Variants in RUNX1 observed in about 807,000 individuals in gnomAD.
RUNX1 encodes RUNX family transcription factor 1, also known as runt-related transcription factor 1.
A neutral mutation model predicts 42.8 loss-of-function variants in RUNX1; 19 were observed. That is an observed-to-expected ratio of 0.44 (90% CI 0.31 to 0.65). The LOEUF (loss-of-function observed/expected upper bound fraction) is 0.65, where lower values mean the gene tolerates loss of function less well. RUNX1 is among the 30% of genes least tolerant of loss of function. The pLI, the probability that RUNX1 is intolerant of heterozygous loss-of-function variation, is 0.07. For synonymous variants in RUNX1, 271 were observed against 289.4 expected, an observed-to-expected ratio of 0.94 and a Z score of 0.64; for missense variants, 528 against 672.0, an observed-to-expected ratio of 0.79 and a Z score of 2.37.
At chr21:34,834,219 G>T (rs1415641172) in intron 7 of RUNX1, 191 bp downstream of exon 7, 1 of 707,748 alleles carries the variant, frequency 1.4e-6, no homozygotes, top group South Asian at 1.5e-5. Flanking sequence ...GACTCGGTGG[G>T]TCTGGGGTGG....
intron 2 of RUNX1, among the ~76,000 whole-genome samples, chr21:34,943,417 A>G (rs2058542459): frequency 6.6e-6 from 1 of 152,200 alleles, no homozygotes; most frequent in African/African-American, 2.4e-5. Flanking sequence ...GATGCTTAAA[A>G]CATTAAAAGG....
At chr21:34,900,468 T>C (rs988997941) in intron 2 of RUNX1, among the ~76,000 whole-genome samples, 1 of 152,218 alleles carries the variant, frequency 6.6e-6, no homozygotes, top group African/African-American at 2.4e-5. Context: ...GCATCTTACT[T>C]GACTCGTGTT....
intron 2 of RUNX1, among the ~76,000 whole-genome samples, chr21:35,006,618 A>G (rs2059086931): frequency 6.6e-6 from 1 of 152,174 alleles, no homozygotes; most frequent in Non-Finnish European, 1.5e-5. Flanking sequence ...GTTGTTACAT[A>G]GGAAGTGCTG....
chr21:34,822,225 G>A (rs546847029), intron 7 of RUNX1, among the ~76,000 whole-genome samples: 16 of 152,284 alleles, frequency 1.1e-4, no homozygotes, highest in African/African-American at 3.9e-4. Context: ...ACAGTGCTGG[G>A]TCACGTGAAA....
At position 35,048,951 on chromosome 21, in the gene RUNX1, T is replaced by G; in HGVS notation, c.-52A>C. 6.5e-7 allele frequency: 1 copy of G among 1,550,146 alleles called. No individual in the cohort carries two copies. The highest frequency in any genetic ancestry group is 8.9e-7 in the Non-Finnish European group (1 of 1,122,738). ...TCTGAAGGCGGGGGACTCAATGATT[T>G]CTTTTACCTTCGGAGCGAAAACCAA... On this transcript the variant is annotated 5_prime_UTR_variant, in exon 2 of 9. Coordinates refer to ENST00000675419, the MANE Select transcript of RUNX1 (RefSeq NM_001754.5).
chr21:34,906,139 AAGTG>A, intron 2 of RUNX1, among the ~76,000 whole-genome samples: 1 of 152,230 alleles, frequency 6.6e-6, no homozygotes, highest in Admixed American at 6.5e-5. Flanking sequence ...ACTAATATAT[AAGTG>A]TACATACTAT....
At chr21:35,043,031 A>G (rs1307398650) in intron 2 of RUNX1, among the ~76,000 whole-genome samples, 1 of 152,166 alleles carries the variant, frequency 6.6e-6, no homozygotes, top group Non-Finnish European at 1.5e-5. Flanking sequence ...TCTCCCCAAC[A>G]AAGAGTGAAG....
intron 2 of RUNX1, among the ~76,000 whole-genome samples, chr21:35,024,452 A>G (rs2059221546): frequency 6.6e-6 from 1 of 152,184 alleles, no homozygotes; most frequent in Non-Finnish European, 1.5e-5. Context: ...CCTAACCAAT[A>G]CCCTAATACA....
At position 34,792,382 on chromosome 21, in the gene RUNX1, C is replaced by G. The variant is rs946348885; in HGVS notation, c.1196G>C (p.Ser399Thr). The change falls in exon 9 of 9, where the codon AGC (serine) becomes ACC (threonine). Residue 399 changes from serine (S) to threonine (T), a missense_variant. Ser to Thr is a moderately conservative substitution (Grantham distance 58). Around this residue, in one of 3 missense-constraint regions of RUNX1, gnomAD observed 331 missense variants for 382.5 expected, o/e 0.87. Coordinates refer to ENST00000675419, the MANE Select transcript of RUNX1 (RefSeq NM_001754.5). The surrounding 1 kb of genome is among the most constrained non-coding windows in gnomAD (Gnocchi z 6.9). ...GTAGTACAGGTGGTAGGAGGGCGAG[C>G]TGGCTTGGAACGGGCCTCCCTGCGC... ...SQAQGGPFQA[S>T]SPSYHLYYGA... 8.3e-6 allele frequency: 13 copies of G among 1,566,378 alleles called. No individual in the cohort carries two copies. Among genetic ancestry groups the G allele is most frequent in the Non-Finnish European group, 1.1e-5 (13 of 1,155,502 alleles).
intron 2 of RUNX1, among the ~76,000 whole-genome samples, chr21:34,959,450 G>C (rs1299560558): frequency 6.6e-6 from 1 of 152,202 alleles, no homozygotes; most frequent in Non-Finnish European, 1.5e-5. Flanking sequence ...ATGGAGAACA[G>C]TGCCTAGCAC....
chr21:34,792,691 T>C lies in RUNX1; in HGVS notation c.968-81A>G. On this transcript the variant is annotated intron_variant, in intron 8 of 8. Coordinates refer to ENST00000675419, the MANE Select transcript of RUNX1 (RefSeq NM_001754.5). The surrounding 1 kb of genome is among the most constrained non-coding windows in gnomAD (Gnocchi z 6.9). ...AGCTCTTCCCTCTGCCCCAGGGGGC[T>C]ACCCAGGATGATACCGCCTAGGAGG... is the stretch of plus-strand genomic sequence containing the variant. 2 of 1,338,560 alleles carry C rather than the reference T, an allele frequency of 1.5e-6. No homozygotes were observed. The highest frequency in any genetic ancestry group is 2.0e-6 in the Non-Finnish European group (2 of 984,440). The allele number at this position is 1,338,560 out of a possible 1,614,324, so 82.9% of individuals were successfully genotyped here.
At chr21:34,995,661 G>A (rs60857456) in intron 2 of RUNX1, among the ~76,000 whole-genome samples, 4,426 of 152,034 alleles carry the variant, frequency 0.029, 224 homozygotes, top group African/African-American at 0.1. Context: ...AGCTGTTCTC[G>A]AACTCCTGAA....
intron 2 of RUNX1, among the ~76,000 whole-genome samples, chr21:34,967,480 G>A (rs56777959): frequency 8.7e-4 from 132 of 151,638 alleles, no homozygotes; most frequent in African/African-American, 3.1e-3. Context: ...TCGCCATCCA[G>A]CCCTGAACAC....
At position 34,880,548 on chromosome 21, in the gene RUNX1, A is replaced by T; in HGVS notation, c.508+9T>A. On this transcript the variant is annotated intron_variant, in intron 5 of 8. Coordinates refer to ENST00000675419, the MANE Select transcript of RUNX1 (RefSeq NM_001754.5). ...CGTGTTTCAAGCATAGTTTTGACAG[A>T]TAACGTACCTCTTCCACTTCGACCG... 6.2e-7 allele frequency: 1 copy of T among 1,614,016 alleles called. No homozygotes were observed.
intron 7 of RUNX1, among the ~76,000 whole-genome samples, chr21:34,806,300 A>G (rs1456219687): frequency 6.6e-6 from 1 of 152,234 alleles, no homozygotes; most frequent in African/African-American, 2.4e-5. Flanking sequence ...AAGGTACACC[A>G]TGCTAACACT....
chr21:34,845,194 T>C (rs2057298610), intron 6 of RUNX1, among the ~76,000 whole-genome samples: 1 of 152,242 alleles, frequency 6.6e-6, no homozygotes, highest in Non-Finnish European at 1.5e-5. Context: ...CTGGTCCCAC[T>C]GTCTGCCAGG....
chr21:34,923,297 G>A (rs540970940), intron 2 of RUNX1, among the ~76,000 whole-genome samples: 1 of 152,226 alleles, frequency 6.6e-6, no homozygotes, highest in African/African-American at 2.4e-5. Context: ...TATTTAAATT[G>A]GGCTCCTTAA....
intron 7 of RUNX1, among the ~76,000 whole-genome samples, chr21:34,810,344 C>T (rs937739410): frequency 6.6e-6 from 1 of 152,208 alleles, no homozygotes; most frequent in African/African-American, 2.4e-5. Flanking sequence ...TGGTTTTAAG[C>T]AGCAAACTCT....
At chr21:34,832,503 T>C (rs28490103) in intron 7 of RUNX1, among the ~76,000 whole-genome samples, 356 of 152,342 alleles carry the variant, frequency 2.3e-3, no homozygotes, top group Admixed American at 3.7e-3. Flanking sequence ...AACCTAGTAG[T>C]ATAAATGGCC....
Sources: allele counts gnomAD v4.1 joint callset (sites outside exome capture counted in the v4.1 genomes callset), GRCh38; gene constraint gnomAD v4.1.1; regional missense constraint gnomAD v4.1.1; non-coding constraint Gnocchi (gnomAD v3.1); transcripts MANE v1.5; gene names NCBI Gene and HGNC (gene_info 2026-07-23, HGNC 2026-07-21).